Variants in EPHA5 observed in about 807,000 individuals in gnomAD.
EPHA5 encodes the protein EPH receptor A5.
In EPHA5, 60 loss-of-function variants were observed where a neutral mutation model predicts 105.0. The observed-to-expected ratio is 0.57, with a 90% CI of 0.46 to 0.71. EPHA5 has a LOEUF of 0.71. Among genes scored for constraint, EPHA5 ranks in the 30% least tolerant of loss-of-function variants. The pLI is 0.00. For missense variants in EPHA5, 1,218 were observed against 1,274.7 expected (o/e 0.96, Z 0.68); for synonymous variants, 513 against 449.1 (o/e 1.14, Z -1.80).
At chr4:65,588,792 A>C in intron 3 of EPHA5, among the ~76,000 whole-genome samples, 1 of 152,248 alleles carries the variant, frequency 6.6e-6, no homozygotes, top group Non-Finnish European at 1.5e-5. Context: ...AGGGCTTGCC[A>C]TGAGTAGCTG....
intron 8 of EPHA5, among the ~76,000 whole-genome samples, chr4:65,387,768 T>G (rs35928662): frequency 0.16 from 24,812 of 151,874 alleles, 2,455 homozygotes; most frequent in East Asian, 0.31. Context: ...TGTAGAATAC[T>G]GGTTTATTAC....
chr4:65,452,092 T>C (rs922998545), intron 5 of EPHA5, among the ~76,000 whole-genome samples: 7 of 152,238 alleles, frequency 4.6e-5, no homozygotes, highest in Admixed American at 2.0e-4. Flanking sequence ...AGATCAGCAA[T>C]AGAGAATAAA....
rs1731320439 is a variant in EPHA5, at chr4:65,490,688, G to T, written c.1091C>A (p.Ala364Asp). 6.2e-7 allele frequency: 1 copy of T among 1,613,840 alleles called. No individual in the cohort carries two copies. Among genetic ancestry groups the T allele is most frequent in the Non-Finnish European group, 8.5e-7 (1 of 1,179,750 alleles). The change falls in exon 5 of 17, where the codon GCC (alanine) becomes GAC (aspartate). Residue 364 changes from alanine to aspartate, a missense_variant. Physicochemically the swap from Ala to Asp is moderately radical, Grantham distance 126 (BLOSUM62 -2). Coordinates refer to ENST00000613740, the MANE Select transcript of EPHA5 (RefSeq NM_001281766.3). ...CTRPPSAPRN[A>D]ISNVNETSVF... Reference sequence around the variant, plus strand: ...ACTAGTTTCATTAACATTTGAGATGGCATTCCGAGGAGCAGAGGGGGGTCC... The same window carrying T: ...ACTAGTTTCATTAACATTTGAGATGTCATTCCGAGGAGCAGAGGGGGGTCC...
intron 14 of EPHA5, among the ~76,000 whole-genome samples, chr4:65,347,233 T>C (rs1038651753): frequency 6.6e-6 from 1 of 152,180 alleles, no homozygotes; most frequent in African/African-American, 2.4e-5. Flanking sequence ...TTCAATATAC[T>C]AGCTTTACAA....
chr4:65,348,408 T>A (rs2148844252), intron 13 of EPHA5, among the ~76,000 whole-genome samples: 1 of 151,912 alleles, frequency 6.6e-6, no homozygotes, highest in East Asian at 2.0e-4. Flanking sequence ...GTTTAAATTC[T>A]GTGTGACTAC....
chr4:65,667,378 T>A (rs1578737792), intron 1 of EPHA5, among the ~76,000 whole-genome samples: 2 of 152,268 alleles, frequency 1.3e-5, no homozygotes, highest in Middle Eastern at 6.8e-3. Context: ...TTACACAATT[T>A]TATTTCCAAT....
At chr4:65,661,773 G>A (rs991695000) in intron 1 of EPHA5, among the ~76,000 whole-genome samples, 1 of 152,120 alleles carries the variant, frequency 6.6e-6, no homozygotes, top group East Asian at 1.9e-4. Context: ...TACTGAGTTT[G>A]CCTTTCCATA....
chr4:65,559,866 T>G (rs1458610592), intron 3 of EPHA5, among the ~76,000 whole-genome samples: 1 of 152,192 alleles, frequency 6.6e-6, no homozygotes, highest in Non-Finnish European at 1.5e-5. Flanking sequence ...CAGAATAAAA[T>G]GTCTCGATTA....
intron 13 of EPHA5, among the ~76,000 whole-genome samples, chr4:65,350,376 A>T (rs1280001192): frequency 6.6e-6 from 1 of 152,134 alleles, no homozygotes; most frequent in Non-Finnish European, 1.5e-5. Context: ...TTTTAAAAAA[A>T]AAACCCTTAT....
At position 65,551,669 on chromosome 4, in the gene EPHA5, T is replaced by A. The variant is rs570738222; in HGVS notation, c.910+49972A>T. On this transcript the variant is annotated intron_variant, in intron 3 of 16. Transcript: ENST00000613740. ...TAAAACACCTTAATATGCTTGAAAA[T>A]TTTTATTGTAACATTTTTATTGCAT... 9.2e-5 allele frequency among the ~76,000 whole-genome samples: 14 copies of A among 152,182 alleles called. No individual in the cohort carries two copies. In the East Asian group the frequency reaches 2.7e-3, roughly 29 times the overall value.
chr4:65,595,572 T>A (rs563113591), intron 3 of EPHA5, among the ~76,000 whole-genome samples: 10 of 143,916 alleles, frequency 6.9e-5, no homozygotes, highest in African/African-American at 2.2e-4. Flanking sequence ...TTATATAATA[T>A]CTCACAAGAT....
intron 8 of EPHA5, among the ~76,000 whole-genome samples, chr4:65,386,692 A>G (rs1296285465): frequency 3.3e-5 from 5 of 151,996 alleles, no homozygotes; most frequent in Non-Finnish European, 5.9e-5. Context: ...TAAATTTTAT[A>G]TTGTTATGTT....
intron 3 of EPHA5, among the ~76,000 whole-genome samples, chr4:65,585,626 AAAAAC>A (rs1451180103): frequency 6.6e-5 from 10 of 151,880 alleles, no homozygotes; most frequent in Non-Finnish European, 5.9e-5. Context: ...CTTATTTGGG[AAAAAC>A]AAAACAAAAT....
chr4:65,348,659 GATATATAT>G (rs36206921), intron 13 of EPHA5, among the ~76,000 whole-genome samples: 1,584 of 60,046 alleles, frequency 0.026, 15 homozygotes, highest in South Asian at 0.066. Flanking sequence ...AAACATTGGA[GATATATAT>G]ATATATATAT....
At chr4:65,590,363 T>C (rs1560741674) in intron 3 of EPHA5, among the ~76,000 whole-genome samples, 1 of 152,046 alleles carries the variant, frequency 6.6e-6, no homozygotes, top group Admixed American at 6.6e-5. Context: ...TACTTAAAGA[T>C]AAGATGTGAT....
At chr4:65,370,115 G>A (rs774819735) in intron 8 of EPHA5, among the ~76,000 whole-genome samples, 8 of 151,988 alleles carry the variant, frequency 5.3e-5, no homozygotes, top group Non-Finnish European at 8.8e-5. Context: ...TACACAACAG[G>A]GATCTCATGG....
intron 5 of EPHA5, among the ~76,000 whole-genome samples, chr4:65,485,586 C>G (rs1730802826): frequency 6.6e-6 from 1 of 152,086 alleles, no homozygotes; most frequent in Non-Finnish European, 1.5e-5. Context: ...TGGAAAATGT[C>G]TAAATACTAT....
intron 8 of EPHA5, among the ~76,000 whole-genome samples, chr4:65,369,226 A>C (rs892906605): frequency 2.0e-5 from 3 of 152,174 alleles, no homozygotes; most frequent in African/African-American, 7.2e-5. Flanking sequence ...ACACAATGAC[A>C]GGTGTTTGGA....
chr4:65,498,104 TA>T (rs1732124972), intron 3 of EPHA5, among the ~76,000 whole-genome samples: 1 of 151,942 alleles, frequency 6.6e-6, no homozygotes, highest in African/African-American at 2.4e-5. Flanking sequence ...TAATTTGAGT[TA>T]AAGTGTATCC....
Sources: gnomAD v4.1 joint callset for allele counts (sites outside exome capture counted in the v4.1 genomes callset) on GRCh38, gnomAD v4.1.1 for gene constraint, MANE v1.5 for transcripts, NCBI Gene and HGNC (gene_info 2026-07-23, HGNC 2026-07-21) for gene names.